Variants in KRT78 observed in about 807,000 individuals in gnomAD.
The protein encoded by KRT78 is keratin 78, also known as keratin, type II cytoskeletal 78.
A neutral mutation model predicts 51.4 loss-of-function variants in KRT78; 55 were observed. That is an observed-to-expected ratio of 1.07 (90% CI 0.86 to 1.34). The LOEUF (loss-of-function observed/expected upper bound fraction) is 1.34, where lower values mean the gene tolerates loss of function less well. KRT78 is among the 40% of genes most tolerant of loss of function. KRT78 has a pLI of 0.00. For synonymous variants in KRT78, 291 were observed against 264.3 expected (o/e 1.10, Z -0.98); for missense variants, 652 against 649.4 (o/e 1.00, Z -0.04).
intron 4 of KRT78, among the ~76,000 whole-genome samples, chr12:52,845,009 T>C (rs546672351): frequency 1.1e-4 from 17 of 151,768 alleles, no homozygotes; most frequent in East Asian, 3.9e-4. Context: ...CTCTTTTTTT[T>C]TTCTTCTTCT....
Position 52,848,494 on chromosome 12 carries a change from C to T in KRT78, c.384+53G>A, listed in dbSNP as rs188217054. On this transcript the variant is annotated intron_variant, in intron 1 of 8. Transcript: ENST00000304620. Reference sequence around the variant, plus strand: ...TTCCCATTTCCAAGTCCATCAAGAGCAGCTCCTCCAAGGGAGGCACAGAGA... The same window carrying T: ...TTCCCATTTCCAAGTCCATCAAGAGTAGCTCCTCCAAGGGAGGCACAGAGA... 692 of 1,593,846 alleles carry T rather than the reference C, an allele frequency of 4.3e-4. 3 individuals are homozygous for T. The African/African-American group carries it at 8.4e-3, about 19-fold the overall frequency.
In KRT78 at chr12:52,844,720, G is replaced by C. The variant is rs1247520854; in HGVS notation, c.760C>G (p.Leu254Val). Residue 254 changes from leucine (L) to valine (V), a missense_variant, in exon 5 of 9, where the codon CTG becomes GTG. Transcript: ENST00000304620. ...CTGGCCTGGGTCTGGAGCTGGCCCA[G>C]CTCCTGCAGGGAAGACAGACTCAGT... ...YFLKHLNEEE[L>V]GQLQTQASDT... is the part of the protein sequence containing the mutation. 1 of 1,607,728 alleles carries C rather than the reference G, an allele frequency of 6.2e-7. No homozygotes were observed. Among genetic ancestry groups the C allele is most frequent in the African/African-American group, 1.3e-5 (1 of 74,824 alleles).
rs537163408 is a variant in KRT78 at position 52,838,360 on chromosome 12, T to G, written c.*753A>C. 6.6e-6 allele frequency: 1 copy of G among 152,376 alleles called. No individual in the cohort carries two copies. The highest frequency in any genetic ancestry group is 2.4e-5 in the African/African-American group (1 of 41,514). The allele number at this position is 152,376 out of a possible 1,614,324, so 9.4% of individuals were successfully genotyped here. ...GGAGGAGAAGTTTCCAGCCTCATGT[T>G]CACACTTGCCCAAGGATAAGATGAG... On this transcript the variant is annotated 3_prime_UTR_variant, in exon 9 of 9. Coordinates refer to ENST00000304620, the MANE Select transcript of KRT78 (RefSeq NM_173352.4).
Position 52,839,017 on chromosome 12 carries a change from G to A in KRT78, c.*96C>T. The stretch of plus-strand genomic sequence containing the variant: ...TGCAGCATCCGCTGTGGGCTGGCTT[G>A]GGCTGTGGGCAGCGGACACGGAGTT... On this transcript the variant is annotated 3_prime_UTR_variant, in exon 9 of 9. Transcript: ENST00000304620. The A allele has an allele frequency of 1.4e-6, 2 of 1,424,524 alleles. No individual in the cohort carries two copies. The highest frequency in any genetic ancestry group is 1.9e-6 in the Non-Finnish European group (2 of 1,049,656). The allele number at this position is 1,424,524 out of a possible 1,614,324, so 88.2% of individuals were successfully genotyped here.
At chr12:52,840,076 G>A in intron 6 of KRT78, 92 bp from the exon 7 acceptor site, 1 of 887,174 alleles carries the variant, frequency 1.1e-6, no homozygotes, top group Admixed American at 2.3e-5. Context: ...GAAGGCTGGG[G>A]CGGATCATAA....
rs925092993 is a variant in KRT78 at position 52,839,031 on chromosome 12, G to A, written c.*82C>T. On this transcript the variant is annotated 3_prime_UTR_variant, in exon 9 of 9. Coordinates refer to ENST00000304620, the MANE Select transcript of KRT78 (RefSeq NM_173352.4). ...TGGGCTGGCTTGGGCTGTGGGCAGC[G>A]GACACGGAGTTGGCCTTGCAGAGCC... is the stretch of plus-strand genomic sequence containing the variant. 12 of 1,506,576 alleles carry A rather than the reference G, an allele frequency of 8.0e-6. No homozygotes were observed. The highest frequency in any genetic ancestry group is 4.5e-5 in the East Asian group (2 of 44,136). The allele number at this position is 1,506,576 out of a possible 1,614,324, so 93.3% of individuals were successfully genotyped here. A position where few individuals can be genotyped will look rare whatever the true frequency, so the allele number is the denominator to read the frequency against.
In KRT78 at chr12:52,839,628, T is replaced by C. The variant is rs546452720; in HGVS notation, c.1268+136A>G. 1.7e-4 allele frequency: 223 copies of C among 1,274,504 alleles called. 2 individuals are homozygous for C. In the African/African-American group the frequency reaches 3.1e-3, roughly 18 times the overall value. The allele number at this position is 1,274,504 out of a possible 1,614,324, so 78.9% of individuals were successfully genotyped here. A position where few individuals can be genotyped will look rare whatever the true frequency, so the allele number is the denominator to read the frequency against. ...CAGTCTCCAACTTAAAATCCCTCTC[T>C]GCAGCGTCGGTTGCCCTTAGCAACT... On this transcript the variant is annotated intron_variant, in intron 7 of 8. Transcript: ENST00000304620.
intron 4 of KRT78, among the ~76,000 whole-genome samples, chr12:52,845,084 C>T (rs993494794): frequency 2.0e-5 from 3 of 149,804 alleles, no homozygotes; most frequent in Admixed American, 1.3e-4. Context: ...GGTGTGATCT[C>T]GGCTCACTGT....
rs754893833 is a variant in KRT78, at chr12:52,839,279, G to A, written c.1397C>T (p.Ser466Phe). 1.2e-6 allele frequency: 2 copies of A among 1,612,854 alleles called. No homozygotes were observed. Among genetic ancestry groups the A allele is most frequent in the South Asian group, 1.1e-5 (1 of 90,798 alleles). ...TCCAGTCACAATGCTGGTGCAGCAG[G>A]ACCCAGGGCTGCCTTTCCCACTACC... ...GLGSGKGSPGSCCTSIVTGGS... is the reference protein window; with the variant it reads ...GLGSGKGSPGFCCTSIVTGGS... The change falls in exon 9 of 9, where the codon TCC becomes TTC. Residue 466 changes from serine (S) to phenylalanine (F), a missense_variant. Ser to Phe is a radical substitution (Grantham distance 155). Coordinates refer to ENST00000304620, the MANE Select transcript of KRT78 (RefSeq NM_173352.4).
At chr12:52,842,328 A>T (rs751520598) in intron 6 of KRT78, among the ~76,000 whole-genome samples, 1 of 152,208 alleles carries the variant, frequency 6.6e-6, no homozygotes, top group Non-Finnish European at 1.5e-5. Context: ...TTTAGGAAAT[A>T]TGAGTGCAAG....
At chr12:52,847,440 C>T (rs1451852176) in intron 2 of KRT78, among the ~76,000 whole-genome samples, 1 of 152,200 alleles carries the variant, frequency 6.6e-6, no homozygotes, top group African/African-American at 2.4e-5. Context: ...AGGCGTGGAG[C>T]CCAGAACCAC....
Position 52,840,937 on chromosome 12 carries a change from G to T in KRT78, c.1048-953C>A, listed in dbSNP as rs188534907. Among the ~76,000 whole-genome samples, 142 of 152,240 alleles carry T rather than the reference G, an allele frequency of 9.3e-4. 1 individual carries two copies. The highest frequency in any genetic ancestry group is 3.3e-3 in the African/African-American group (138 of 41,538). Reference sequence around the variant, plus strand: ...TAAGCCACCCGATTTGTGGTGATTTGTCATGACAGGCCTAGGACACTAGTA... The same window carrying T: ...TAAGCCACCCGATTTGTGGTGATTTTTCATGACAGGCCTAGGACACTAGTA... On this transcript the variant is annotated intron_variant, in intron 6 of 8. Coordinates refer to ENST00000304620, the MANE Select transcript of KRT78 (RefSeq NM_173352.4).
At position 52,848,932 on chromosome 12, in the gene KRT78, G is replaced by A. The variant is rs2120438670; in HGVS notation, c.-2C>T. 1 of 1,543,892 alleles carries A rather than the reference G, an allele frequency of 6.5e-7. No homozygotes were observed. The highest frequency in any genetic ancestry group is 8.7e-7 in the Non-Finnish European group (1 of 1,149,272). On this transcript the variant is annotated 5_prime_UTR_variant, in exon 1 of 9. Coordinates refer to ENST00000304620, the MANE Select transcript of KRT78 (RefSeq NM_173352.4). Reference sequence around the variant, plus strand: ...GGCCCGGCATGGGGAGAGAGACATGGCAGAGACAGACAGTCACGCAGCTGC... The same window carrying A: ...GGCCCGGCATGGGGAGAGAGACATGACAGAGACAGACAGTCACGCAGCTGC...
chr12:52,842,959 G>GAGAGAGAGAGAAAGGAAGGAAGGAAGGA (rs1299063277), intron 6 of KRT78, among the ~76,000 whole-genome samples: 1 of 53,724 alleles, frequency 1.9e-5, no homozygotes, highest in Non-Finnish European at 3.2e-5. Context: ...GAGAGAGAGA[G>GAGAGAGAGAGAAAGGAAGGAAGGAAGGA]AGGAAGGAAG....
At position 52,844,687 on chromosome 12, in the gene KRT78, A is replaced by G. The variant is rs1160260415; in HGVS notation, c.793T>C (p.Ser265Pro). The G allele has an allele frequency of 1.2e-6, 2 of 1,613,650 alleles. No individual in the cohort carries two copies. The highest frequency in any genetic ancestry group is 1.7e-5 in the Admixed American group (1 of 59,992). ...GQLQTQASDT[S>P]VVLSMDNNRY... ...TTGTTGTCCATGGACAGCACCACAG[A>G]CGTGTCGCTGGCCTGGGTCTGGAGC... Residue 265 changes from serine (S) to proline (P), a missense_variant, in exon 5 of 9, where the codon TCT becomes CCT. Ser to Pro is a moderately conservative substitution (Grantham distance 74). Transcript: ENST00000304620.
At position 52,847,978 on chromosome 12, in the gene KRT78, G is replaced by C; in HGVS notation, c.528C>G (p.Leu176=). The C allele has an allele frequency of 1.2e-6, 2 of 1,614,174 alleles. No individual in the cohort carries two copies. The highest frequency in any genetic ancestry group is 1.7e-6 in the Non-Finnish European group (2 of 1,180,032). The change falls in exon 2 of 9, where the codon CTC becomes CTG. Residue 176 remains leucine (L), a synonymous_variant. Coordinates refer to ENST00000304620, the MANE Select transcript of KRT78 (RefSeq NM_173352.4). ...CATCCAGAGCCCCTCGTTCTCCCTG[G>C]AGCTGCTCCAGCTGCTTCCTGAGCT... ...LDQLRKQLEQ[L]QGERGALDAE... is the part of the protein sequence containing the mutation.
chr12:52,839,713 C>A (rs368964026), intron 7 of KRT78, 51 bp downstream of exon 7: 544 of 1,548,096 alleles, frequency 3.5e-4, no homozygotes, highest in Non-Finnish European at 3.9e-4. Flanking sequence ...TGTTGGCATC[C>A]CATCCTCCTC....
At chr12:52,848,165 C>T (rs1293591408) in intron 1 of KRT78, 44 bp from the exon 2 acceptor site, 1 of 1,598,216 alleles carries the variant, frequency 6.3e-7, no homozygotes, top group East Asian at 2.3e-5. Flanking sequence ...GTGGGACTCC[C>T]TGTGCACAGC....
intron 6 of KRT78, among the ~76,000 whole-genome samples, chr12:52,842,003 A>G (rs1031396000): frequency 1.3e-5 from 2 of 152,216 alleles, no homozygotes; most frequent in African/African-American, 2.4e-5. Flanking sequence ...CAGCTCTGCC[A>G]GGAGGCCAGG....
Sources: gnomAD v4.1 joint callset for allele counts (sites outside exome capture counted in the v4.1 genomes callset) on GRCh38, gnomAD v4.1.1 for gene constraint, MANE v1.5 for transcripts, NCBI Gene and HGNC (gene_info 2026-07-23, HGNC 2026-07-21) for gene names.